PCDH15: variants seen among roughly 807,000 people sequenced by gnomAD.
The protein encoded by PCDH15 is protocadherin related 15, also known as protocadherin-15.
Under a neutral mutation model 178.5 loss-of-function variants are expected in PCDH15, and 129 were observed. The observed-to-expected ratio is 0.72, with a 90% confidence interval of 0.63 to 0.84. The LOEUF (loss-of-function observed/expected upper bound fraction) is 0.84. Ranked by LOEUF, PCDH15 falls within the 40% of genes least tolerant of loss-of-function variation. The pLI is 0.00. For missense variants in PCDH15, 2,230 were observed against 2,099.9 expected (o/e 1.06, Z -1.21); for synonymous variants, 800 against 732.0 (o/e 1.09, Z -1.50).
At chr10:54,559,271 G>T (rs757858920) in intron 2 of PCDH15, among the ~76,000 whole-genome samples, 18 of 151,900 alleles carry the variant, frequency 1.2e-4, no homozygotes, top group Non-Finnish European at 2.6e-4. Context: ...ACTTTGTAAT[G>T]CTCCTGTGAG....
At chr10:54,511,039 T>C (rs1254908794) in intron 3 of PCDH15, among the ~76,000 whole-genome samples, 1 of 152,204 alleles carries the variant, frequency 6.6e-6, no homozygotes, top group African/African-American at 2.4e-5. Flanking sequence ...TGCGTCACCT[T>C]GGAAAGAAGC....
chr10:53,889,317 A>C (rs2610913), intron 26 of PCDH15, among the ~76,000 whole-genome samples: 114,468 of 151,876 alleles, frequency 0.75, 43,671 homozygotes, highest in East Asian at 1. Context: ...GAATAAAGAT[A>C]TGCAATCCAG....
intron 3 of PCDH15, among the ~76,000 whole-genome samples, chr10:54,435,957 G>A (rs1384041279): frequency 2.0e-5 from 3 of 150,698 alleles, no homozygotes; most frequent in Non-Finnish European, 4.4e-5. Flanking sequence ...GCAACAGAGC[G>A]AGACTCCATC....
At chr10:54,948,795 T>C (rs1838256288) in intron 2 of PCDH15, among the ~76,000 whole-genome samples, 2 of 151,936 alleles carry the variant, frequency 1.3e-5, no homozygotes, top group African/African-American at 4.8e-5. Context: ...CCTTAACTAA[T>C]ACACTTAGTT....
intron 1 of PCDH15, among the ~76,000 whole-genome samples, chr10:55,308,003 A>G: frequency 6.6e-6 from 1 of 152,304 alleles, no homozygotes; most frequent in Non-Finnish European, 1.5e-5. Flanking sequence ...GAGATTAATG[A>G]GAGTCATACT....
At chr10:54,143,859 G>A (rs563478209) in intron 14 of PCDH15, among the ~76,000 whole-genome samples, 59 of 152,166 alleles carry the variant, frequency 3.9e-4, no homozygotes, top group Non-Finnish European at 7.2e-4. Flanking sequence ...TACATTTAAT[G>A]ACAACTTGTT....
rs1460786678 is a variant in PCDH15, at chr10:54,884,043, TA to T, written c.-29+13406del. Among the ~76,000 whole-genome samples the T allele has an allele frequency of 2.6e-5, 4 of 152,178 alleles. No homozygotes were observed. The East Asian group carries it at 7.7e-4, about 29-fold the overall frequency. On this transcript the variant is annotated intron_variant, in intron 3 of 5. Transcript: ENST00000458638. ...AATTTAGTTAACTCATTATGTGGAC[TA>T]CAGTGAGGTAATATCATGAGATTTA...
intron 2 of PCDH15, among the ~76,000 whole-genome samples, chr10:55,064,260 C>T (rs1261171618): frequency 6.6e-6 from 1 of 152,122 alleles, no homozygotes; most frequent in African/African-American, 2.4e-5. Flanking sequence ...ATTACTACCA[C>T]TACTGCTACT....
At chr10:55,290,467 T>A (rs1842980923) in intron 1 of PCDH15, among the ~76,000 whole-genome samples, 1 of 152,124 alleles carries the variant, frequency 6.6e-6, no homozygotes, top group African/African-American at 2.4e-5. Flanking sequence ...ATACACAGCA[T>A]TTTTTATTGT....
intron 2 of PCDH15, among the ~76,000 whole-genome samples, chr10:55,488,028 T>A (rs1371985485): frequency 6.6e-6 from 1 of 151,570 alleles, no homozygotes; most frequent in Admixed American, 6.6e-5. Context: ...AATGATCAAA[T>A]CTAATGTGCA....
intron 3 of PCDH15, among the ~76,000 whole-genome samples, chr10:54,414,816 CT>C (rs1302556593): frequency 2.0e-5 from 3 of 152,022 alleles, no homozygotes; most frequent in Admixed American, 6.6e-5. Flanking sequence ...TCTGAATGTT[CT>C]TTAATACCAT....
At chr10:54,981,907 C>T (rs1839241748) in intron 2 of PCDH15, among the ~76,000 whole-genome samples, 3 of 151,866 alleles carry the variant, frequency 2.0e-5, no homozygotes, top group Non-Finnish European at 4.4e-5. Flanking sequence ...TCCTGAGTAG[C>T]TAGAACTCTT....
intron 1 of PCDH15, among the ~76,000 whole-genome samples, chr10:55,293,107 A>C (rs1843048352): frequency 6.6e-6 from 1 of 152,010 alleles, no homozygotes. Flanking sequence ...AGGGTCCCAA[A>C]CCCCAATTCT....
intron 1 of PCDH15, among the ~76,000 whole-genome samples, chr10:54,755,311 AC>A (rs1480297533): frequency 6.6e-6 from 1 of 152,174 alleles, no homozygotes; most frequent in Admixed American, 6.5e-5. Flanking sequence ...CCAGTATAGT[AC>A]GGGAAATAAT....
chr10:55,522,348 A>C (rs2132166482), intron 2 of PCDH15, among the ~76,000 whole-genome samples: 1 of 151,834 alleles, frequency 6.6e-6, no homozygotes, highest in Non-Finnish European at 1.5e-5. Flanking sequence ...CTATAGTGTT[A>C]TTCAAATATG....
intron 13 of PCDH15, among the ~76,000 whole-genome samples, chr10:54,155,720 C>G (rs1388627116): frequency 6.7e-6 from 1 of 149,976 alleles, no homozygotes; most frequent in East Asian, 1.9e-4. Flanking sequence ...TTGCTTGAAC[C>G]TGAGAGGCAG....
At chr10:54,322,424 C>T (rs1009618217) in intron 7 of PCDH15, among the ~76,000 whole-genome samples, 4 of 151,774 alleles carry the variant, frequency 2.6e-5, no homozygotes, top group African/African-American at 9.7e-5. Context: ...AGTTAGGAAA[C>T]TGTGATTCTA....
intron 9 of PCDH15, among the ~76,000 whole-genome samples, chr10:54,225,648 G>T (rs2053351195): frequency 6.6e-6 from 1 of 152,084 alleles, no homozygotes; most frequent in African/African-American, 2.4e-5. Context: ...TATCTATTGT[G>T]TACTGGGGTA....
chr10:54,678,692 GATC>G (rs1474088955), intron 1 of PCDH15, among the ~76,000 whole-genome samples: 1 of 152,058 alleles, frequency 6.6e-6, no homozygotes, highest in Non-Finnish European at 1.5e-5. Flanking sequence ...CCACCTTCAA[GATC>G]ATCATTTATG....
Sources: allele counts gnomAD v4.1 joint callset (sites outside exome capture counted in the v4.1 genomes callset), GRCh38; gene constraint gnomAD v4.1.1; transcripts MANE v1.5; gene names NCBI Gene and HGNC (gene_info 2026-07-23, HGNC 2026-07-21).